UBASH3B: variants seen among roughly 807,000 people sequenced by gnomAD.
UBASH3B encodes the protein ubiquitin-associated and SH3 domain-containing protein B.
UBASH3B carries 37 observed loss-of-function variants against 83.4 expected under a neutral mutation model. That is an observed-to-expected ratio of 0.44 (90% CI 0.34 to 0.58). UBASH3B has a LOEUF of 0.58. UBASH3B is among the 20% of genes least tolerant of loss of function. The probability of loss-of-function intolerance (pLI) is 0.01; values close to 1 mark genes in which losing one functional copy is unlikely to be tolerated. For missense variants in UBASH3B, 657 were observed against 827.2 expected (o/e 0.79, Z 2.52); for synonymous variants, 304 against 318.3 (o/e 0.96, Z 0.48).
At chr11:122,720,157 A>G (rs995885924) in intron 1 of UBASH3B, among the ~76,000 whole-genome samples, 1 of 152,160 alleles carries the variant, frequency 6.6e-6, no homozygotes, top group African/African-American at 2.4e-5. Flanking sequence ...CCCATTTTCC[A>G]GACTCCGTAC....
At chr11:122,767,216 C>T (rs1455534243) in intron 1 of UBASH3B, among the ~76,000 whole-genome samples, 1 of 150,308 alleles carries the variant, frequency 6.7e-6, no homozygotes, top group Non-Finnish European at 1.5e-5. Flanking sequence ...AAGCGGAGGT[C>T]ACAGTGAGTG....
intron 1 of UBASH3B, among the ~76,000 whole-genome samples, chr11:122,748,958 C>T (rs1459148513): frequency 1.3e-5 from 2 of 152,146 alleles, no homozygotes; most frequent in African/African-American, 4.8e-5. Context: ...CTGCCAGAAC[C>T]CTCAACTTTG....
chr11:122,660,286 G>A (rs997420644), intron 1 of UBASH3B, among the ~76,000 whole-genome samples: 5 of 152,170 alleles, frequency 3.3e-5, no homozygotes, highest in Admixed American at 6.5e-5. Flanking sequence ...GTGCGTGTGC[G>A]CTCGTGTGCA....
At position 122,713,045 on chromosome 11, in the gene UBASH3B, C is replaced by A. The variant is rs529499059; in HGVS notation, c.161+56835C>A. 5.3e-5 allele frequency among the ~76,000 whole-genome samples: 8 copies of A among 151,552 alleles called. No homozygotes were observed. In the South Asian group the frequency reaches 1.5e-3, roughly 28 times the overall value. On this transcript the variant is annotated intron_variant, in intron 1 of 13. Coordinates refer to ENST00000284273, the MANE Select transcript of UBASH3B (RefSeq NM_032873.5). ...GCCTCAGCCTCCCGAGTAGCTGGGA[C>A]TACAGGCACCCGCCACCACGCCCAG...
intron 1 of UBASH3B, among the ~76,000 whole-genome samples, chr11:122,751,731 A>T (rs1366684218): frequency 6.6e-6 from 1 of 152,168 alleles, no homozygotes; most frequent in Non-Finnish European, 1.5e-5. Flanking sequence ...TTATTTTCCT[A>T]GAGAATCCTG....
chr11:122,746,975 C>T (rs954751181), intron 1 of UBASH3B, among the ~76,000 whole-genome samples: 2 of 152,098 alleles, frequency 1.3e-5, no homozygotes, highest in South Asian at 4.1e-4. Context: ...GTGGACAATC[C>T]CAGCAGAAAA....
intron 1 of UBASH3B, among the ~76,000 whole-genome samples, chr11:122,744,933 C>T (rs568006093): frequency 1.8e-5 from 2 of 114,124 alleles, no homozygotes; most frequent in Admixed American, 9.9e-5. Context: ...GTGAGTGTGC[C>T]GCACAGCCCG....
chr11:122,746,014 C>G (rs1243123453), intron 1 of UBASH3B, among the ~76,000 whole-genome samples: 5 of 152,186 alleles, frequency 3.3e-5, no homozygotes. Flanking sequence ...TGGCACGGGA[C>G]CTCGTCCTTC....
At chr11:122,776,311 A>G (rs746191966) in intron 2 of UBASH3B, 39 bp downstream of exon 2, 2 of 1,576,430 alleles carry the variant, frequency 1.3e-6, no homozygotes, top group South Asian at 1.2e-5. Context: ...ATAGCATATA[A>G]TTAACTCAAA....
intron 1 of UBASH3B, among the ~76,000 whole-genome samples, chr11:122,695,505 A>C (rs966547084): frequency 1.3e-5 from 2 of 152,202 alleles, no homozygotes; most frequent in Non-Finnish European, 2.9e-5. Context: ...CCTTCTGGGA[A>C]TATCTCCTTG....
chr11:122,658,666 A>T (rs1863394780), intron 1 of UBASH3B, among the ~76,000 whole-genome samples: 1 of 152,206 alleles, frequency 6.6e-6, no homozygotes, highest in Non-Finnish European at 1.5e-5. Context: ...TGGGATTCAA[A>T]CCCAGGTATT....
At position 122,666,500 on chromosome 11, in the gene UBASH3B, C is replaced by T. The variant is rs372146585; in HGVS notation, c.161+10290C>T. 9.2e-5 allele frequency among the ~76,000 whole-genome samples: 14 copies of T among 152,134 alleles called. No individual in the cohort carries two copies. In the South Asian group the frequency reaches 1.5e-3, roughly 16 times the overall value. ...ATGGCACGATCTCGGCTCACTGCAACCTCTGCCTCCCGGGTTCAAACAATT... is the reference window on the plus strand; with the variant it reads ...ATGGCACGATCTCGGCTCACTGCAATCTCTGCCTCCCGGGTTCAAACAATT... On this transcript the variant is annotated intron_variant, in intron 1 of 13. Coordinates refer to ENST00000284273, the MANE Select transcript of UBASH3B (RefSeq NM_032873.5).
chr11:122,656,823 G>C (rs919924982), intron 1 of UBASH3B, among the ~76,000 whole-genome samples: 4 of 152,258 alleles, frequency 2.6e-5, no homozygotes, highest in African/African-American at 7.2e-5. Context: ...CCCTCCAGGG[G>C]ACCTGGGTTC....
chr11:122,779,598 G>A lies in UBASH3B; in HGVS notation c.504G>A (p.Thr168=), dbSNP rs11218807. The change falls in exon 4 of 14, where the codon ACG becomes ACA. Residue 168 remains threonine, a synonymous_variant. Coordinates refer to ENST00000284273, the MANE Select transcript of UBASH3B (RefSeq NM_032873.5). ...CCCCGCTGCCCCTGGAGCTCTATAC[G>A]TCGTCCAACTTCATCGGCCTCTTTG... ...FSAPLPLELY[T]SSNFIGLFVK... The A allele has an allele frequency of 1.5e-3, 2,423 of 1,614,118 alleles. 5 individuals carry two copies. The African/African-American group carries it at 0.019, about 13-fold the overall frequency.
chr11:122,692,630 G>A (rs11602361), intron 1 of UBASH3B, among the ~76,000 whole-genome samples: 52,100 of 152,112 alleles, frequency 0.34, 10,165 homozygotes, highest in East Asian at 0.67. Context: ...CCGAGGGCAC[G>A]CTGGTCAAAG....
intron 4 of UBASH3B, 165 bp from the exon 5 acceptor site, chr11:122,782,888 C>A (rs568426707): frequency 5.0e-6 from 4 of 795,934 alleles, no homozygotes; most frequent in South Asian, 3.6e-5. Context: ...TTGCCATCCC[C>A]TTACCCCCTT....
chr11:122,800,711 T>G (rs11218821), intron 10 of UBASH3B, among the ~76,000 whole-genome samples: 1 of 151,948 alleles, frequency 6.6e-6, no homozygotes, highest in Non-Finnish European at 1.5e-5. Flanking sequence ...TGGGTTCAAG[T>G]GATTCTCCTG....
intron 1 of UBASH3B, among the ~76,000 whole-genome samples, chr11:122,710,977 A>G (rs1864183591): frequency 1.3e-5 from 2 of 152,192 alleles, no homozygotes; most frequent in Admixed American, 1.3e-4. Flanking sequence ...CATAGAGGAA[A>G]CATTGGTCTT....
intron 2 of UBASH3B, 88 bp from the exon 3 acceptor site, chr11:122,776,936 C>G: frequency 7.9e-7 from 1 of 1,267,286 alleles, no homozygotes; most frequent in Non-Finnish European, 1.1e-6. Flanking sequence ...GGATTTGGAG[C>G]ACATGGAGGG....
Sources: gnomAD v4.1 joint callset for allele counts (sites outside exome capture counted in the v4.1 genomes callset) on GRCh38, gnomAD v4.1.1 for gene constraint, MANE v1.5 for transcripts, NCBI Gene and HGNC (gene_info 2026-07-23, HGNC 2026-07-21) for gene names.